RAB11FIP5: variants seen among roughly 807,000 people sequenced by gnomAD.
The protein encoded by RAB11FIP5 is rab11 family-interacting protein 5.
Under a neutral mutation model 85.1 loss-of-function variants are expected in RAB11FIP5, and 48 were observed. The ratio of observed to expected loss-of-function variants is 0.56; its 90% CI spans 0.45 to 0.72. RAB11FIP5 has a LOEUF of 0.72. RAB11FIP5 is among the 30% of genes least tolerant of loss of function. RAB11FIP5 has a pLI of 0.00. For missense variants in RAB11FIP5, 1,491 were observed against 1,687.0 expected, an observed-to-expected ratio of 0.88 and a Z score of 2.04; for synonymous variants, 729 against 727.3, an observed-to-expected ratio of 1.00 and a Z score of -0.04.
rs1683809524 is a variant in RAB11FIP5, at chr2:73,074,467, G to C, written c.*1054C>G. The C allele has an allele frequency of 6.5e-6, 1 of 152,706 alleles. No homozygotes were observed. Among genetic ancestry groups the C allele is most frequent in the Non-Finnish European group, 1.5e-5 (1 of 68,220 alleles). 9.5% of individuals were successfully genotyped at this position (152,706 alleles called of 1,614,324 possible). A position where few individuals can be genotyped will look rare whatever the true frequency, so the allele number is the denominator to read the frequency against. The stretch of plus-strand genomic sequence containing the variant: ...GGCCAGACCAAGAGATTAACTTTAG[G>C]GGAGGGGAACAGCCCACAGCAGTGC... On this transcript the variant is annotated 3_prime_UTR_variant, in exon 6 of 6. Coordinates refer to ENST00000486777, the MANE Select transcript of RAB11FIP5 (RefSeq NM_001371272.1).
At chr2:73,104,072 GAAC>G in intron 1 of RAB11FIP5, among the ~76,000 whole-genome samples, 1 of 152,200 alleles carries the variant, frequency 6.6e-6, no homozygotes, top group South Asian at 2.1e-4. Flanking sequence ...TGTGTGGTGA[GAAC>G]GTTGCATTTG....
At chr2:73,091,680 T>G (rs894885051) in intron 1 of RAB11FIP5, among the ~76,000 whole-genome samples, 2 of 152,184 alleles carry the variant, frequency 1.3e-5, no homozygotes, top group African/African-American at 4.8e-5. Context: ...TTTTGATTAT[T>G]TTTTAATGTT....
chr2:73,088,336 G>A lies in RAB11FIP5; in HGVS notation c.1282C>T (p.Leu428=), dbSNP rs747218615. The change falls in exon 3 of 6, where the codon CTA becomes TTA. Residue 428 remains leucine (L), a synonymous_variant. Transcript: ENST00000486777. ...ACCTGGACTGGCTTGCCCTCTGGTA[G>A]CCGGGCCCCCTCCTCCTCTCCAGGG... is the stretch of plus-strand genomic sequence containing the variant. ...SHPGEEEGAR[L]PEGKPVQVAT... is the part of the protein sequence containing the mutation. 7.4e-6 allele frequency: 12 copies of A among 1,613,620 alleles called. No individual in the cohort carries two copies. The highest frequency in any genetic ancestry group is 8.5e-7 in the Non-Finnish European group (1 of 1,180,000).
At chr2:73,097,256 C>T (rs1021667260) in intron 1 of RAB11FIP5, among the ~76,000 whole-genome samples, 2 of 152,098 alleles carry the variant, frequency 1.3e-5, no homozygotes, top group East Asian at 1.9e-4. Flanking sequence ...ACACTGGTCT[C>T]GAATTCCCGA....
At chr2:73,098,649 C>A (rs540156567) in intron 1 of RAB11FIP5, among the ~76,000 whole-genome samples, 1 of 152,304 alleles carries the variant, frequency 6.6e-6, no homozygotes, top group East Asian at 1.9e-4. Flanking sequence ...TCTGCAAGTA[C>A]AACACACACT....
chr2:73,112,430 CGAGCGGTGCATGGTGGT>C lies in RAB11FIP5; in HGVS notation c.331_347del (p.Thr111AlafsTer47). 6.2e-7 allele frequency: 1 copy of C among 1,601,046 alleles called. No homozygotes were observed. The highest frequency in any genetic ancestry group is 8.5e-7 in the Non-Finnish European group (1 of 1,176,272). On this transcript the variant is annotated frameshift_variant, in exon 1 of 6. Coordinates refer to ENST00000486777, the MANE Select transcript of RAB11FIP5 (RefSeq NM_001371272.1). LOFTEE classifies it high-confidence loss of function. ...CCAGGAACTTGTCGACGCCGATGAG[CGAGCGGTGCATGGTGGT>C]GAGCACCAGCTCGCAGGCGGCGGCG...
rs772351421 is a variant in RAB11FIP5 at position 73,088,241 on chromosome 2, C to T, written c.1377G>A (p.Lys459=). ...EKEGARKEER[K]PRMGLFHHHH... Reference sequence around the variant, plus strand: ...GGTGGTGGAAGAGACCCATCCGGGGCTTGCGTTCCTCCTTCCGGGCTCCCT... The same window carrying T: ...GGTGGTGGAAGAGACCCATCCGGGGTTTGCGTTCCTCCTTCCGGGCTCCCT... Residue 459 remains lysine (K), a synonymous_variant, in exon 3 of 6, where the codon AAG becomes AAA. Coordinates refer to ENST00000486777, the MANE Select transcript of RAB11FIP5 (RefSeq NM_001371272.1). 2 of 1,613,948 alleles carry T rather than the reference C, an allele frequency of 1.2e-6. No individual in the cohort carries two copies. Among genetic ancestry groups the T allele is most frequent in the Admixed American group, 3.3e-5 (2 of 60,028 alleles).
chr2:73,112,805 C>T lies in RAB11FIP5; in HGVS notation c.-28G>A. 1 of 1,408,972 alleles carries T rather than the reference C, an allele frequency of 7.1e-7. No homozygotes were observed. Among genetic ancestry groups the T allele is most frequent in the Non-Finnish European group, 9.2e-7 (1 of 1,092,016 alleles). 87.3% of individuals were successfully genotyped at this position (1,408,972 alleles called of 1,614,324 possible). A position where few individuals can be genotyped will look rare whatever the true frequency, so the allele number is the denominator to read the frequency against. The stretch of plus-strand genomic sequence containing the variant: ...CGGAGAAGCGGGGGGCGAGGTCTGG[C>T]CGAGCCGGTGCAGACCCCAGGACCT... On this transcript the variant is annotated 5_prime_UTR_variant, in exon 1 of 6. Transcript: ENST00000486777.
rs2106129001 is a variant in RAB11FIP5 at position 73,112,352 on chromosome 2, G to A, written c.426C>T (p.His142=). The change falls in exon 1 of 6, where the codon CAC becomes CAT. Residue 142 remains histidine, a synonymous_variant. Transcript: ENST00000486777. ...DEVFGAGRAQ[H]TQWYKLHSKP... is the part of the protein sequence containing the mutation. Reference sequence around the variant, plus strand: ...CCCCCGCGCCCCCTACTCACTGCGTGTGCTGGGCGCGGCCTGCGCCGAAGA... The same window carrying A: ...CCCCCGCGCCCCCTACTCACTGCGTATGCTGGGCGCGGCCTGCGCCGAAGA... 1.3e-6 allele frequency: 2 copies of A among 1,584,044 alleles called. No individual in the cohort carries two copies. Among genetic ancestry groups the A allele is most frequent in the African/African-American group, 1.4e-5 (1 of 73,344 alleles).
chr2:73,088,620 C>T lies in RAB11FIP5; in HGVS notation c.998G>A (p.Arg333His), dbSNP rs777609933. 9 of 1,613,220 alleles carry T rather than the reference C, an allele frequency of 5.6e-6. No homozygotes were observed. Among genetic ancestry groups the T allele is most frequent in the Middle Eastern group, 1.6e-4 (1 of 6,084 alleles). ...GCTCCCATTGACACAGAGCGAAGAG[C>T]GGGAGGCAGCATCCAGGTGGCCCTG... The part of the protein sequence containing the change: ...DLQGHLDAAS[R>H]SSLCVNGSHI... Residue 333 changes from arginine to histidine, a missense_variant, in exon 3 of 6, where the codon CGC (arginine) becomes CAC (histidine). This residue lies in a region of RAB11FIP5 where 1,211 missense variants were observed against 1,338.0 expected (regional missense o/e 0.91). Transcript: ENST00000486777.
At position 73,075,701 on chromosome 2, in the gene RAB11FIP5, C is replaced by T. The variant is rs374988807; in HGVS notation, c.3795G>A (p.Ser1265=). The T allele has an allele frequency of 5.7e-5, 91 of 1,610,314 alleles. 1 individual carries two copies. The Admixed American group carries it at 1.1e-3, about 19-fold the overall frequency. ...CGTGGGTCAGGTGGTAGTACTTGGC[C>T]GACTGGTCCAGCACAGCTGAGTCCT... ...RLKDSAVLDQ[S]AKYYHLTHDE... Residue 1265 remains serine (S), a synonymous_variant, in exon 6 of 6, where the codon TCG becomes TCA. Coordinates refer to ENST00000486777, the MANE Select transcript of RAB11FIP5 (RefSeq NM_001371272.1). The surrounding 1 kb of genome is among the most constrained non-coding windows in gnomAD (Gnocchi z 4.6).
chr2:73,099,664 G>C (rs999358653), intron 1 of RAB11FIP5, among the ~76,000 whole-genome samples: 1 of 152,212 alleles, frequency 6.6e-6, no homozygotes, highest in African/African-American at 2.4e-5. Flanking sequence ...CTGATGAAAG[G>C]TGACTCCAGA....
chr2:73,109,434 C>G (rs1238070341), intron 1 of RAB11FIP5, among the ~76,000 whole-genome samples: 3 of 152,212 alleles, frequency 2.0e-5, no homozygotes, highest in African/African-American at 4.8e-5. Flanking sequence ...CTAATCTGTA[C>G]AACTCTATGA....
At position 73,088,517 on chromosome 2, in the gene RAB11FIP5, G is replaced by A; in HGVS notation, c.1101C>T (p.Ser367=). The A allele has an allele frequency of 6.2e-7, 1 of 1,614,028 alleles. No homozygotes were observed. Among genetic ancestry groups the A allele is most frequent in the Non-Finnish European group, 8.5e-7 (1 of 1,180,056 alleles). ...SISGSLPSSG[S]LQAVSSRFSE... ...AGAACCGGGAAGAGACAGCTTGCAA[G>A]GAGCCAGAGGATGGAAGCGAGCCCG... is the stretch of plus-strand genomic sequence containing the variant. The change falls in exon 3 of 6, where the codon TCC becomes TCT. Residue 367 remains serine (S), a synonymous_variant. Transcript: ENST00000486777.
chr2:73,076,966 C>T (rs1683875968), intron 4 of RAB11FIP5, among the ~76,000 whole-genome samples: 1 of 152,196 alleles, frequency 6.6e-6, no homozygotes, highest in Admixed American at 6.5e-5. Context: ...TTGAAGCACT[C>T]CTTCCTTTGG....
Position 73,088,713 on chromosome 2 carries a change from T to C in RAB11FIP5, c.905A>G (p.His302Arg). The C allele has an allele frequency of 1.2e-6, 2 of 1,610,614 alleles. No homozygotes were observed. The highest frequency in any genetic ancestry group is 1.7e-6 in the Non-Finnish European group (2 of 1,178,846). ...GGCCTCATCGCTGTAGGTCCTCTTA[T>C]GGGTGAACAGCTTGGGGGACTGTGC... Reference protein sequence around the residue: ...DSAQSPKLFTHKRTYSDEANQ... With the variant: ...DSAQSPKLFTRKRTYSDEANQ... Residue 302 changes from histidine to arginine, a missense_variant, in exon 3 of 6, where the codon CAT (histidine) becomes CGT (arginine). Coordinates refer to ENST00000486777, the MANE Select transcript of RAB11FIP5 (RefSeq NM_001371272.1).
Position 73,075,968 on chromosome 2 carries a change from G to T in RAB11FIP5, c.3771+25C>A. The T allele has an allele frequency of 2.5e-6, 4 of 1,597,124 alleles. No homozygotes were observed. The highest frequency in any genetic ancestry group is 2.6e-6 in the Non-Finnish European group (3 of 1,168,440). On this transcript the variant is annotated intron_variant, in intron 5 of 5. Transcript: ENST00000486777. This position sits in a 1 kb window ranked among gnomAD's most constrained non-coding sequence, Gnocchi z 4.6. ...ACTCCACCACACATTCTGTCAGATGGCCCCCACACCCTGCTGGGCCTTACC... is the reference window on the plus strand; with the variant it reads ...ACTCCACCACACATTCTGTCAGATGTCCCCCACACCCTGCTGGGCCTTACC...
chr2:73,077,938 T>C (rs749089895), intron 4 of RAB11FIP5, among the ~76,000 whole-genome samples: 2 of 152,212 alleles, frequency 1.3e-5, no homozygotes, highest in African/African-American at 2.4e-5. Context: ...TGAACTCCAC[T>C]GAAGGAAGGG....
intron 1 of RAB11FIP5, among the ~76,000 whole-genome samples, chr2:73,110,045 T>C (rs1684608347): frequency 6.6e-6 from 1 of 152,226 alleles, no homozygotes; most frequent in African/African-American, 2.4e-5. Flanking sequence ...GTGGCAGTTT[T>C]GGGACTGGGA....
Sources: allele counts gnomAD v4.1 joint callset (sites outside exome capture counted in the v4.1 genomes callset), GRCh38; gene constraint gnomAD v4.1.1; regional missense constraint gnomAD v4.1.1; non-coding constraint Gnocchi (gnomAD v3.1); transcripts MANE v1.5; gene names NCBI Gene and HGNC (gene_info 2026-07-23, HGNC 2026-07-21).